Variants in FOCAD observed in about 807,000 individuals in gnomAD.
FOCAD encodes KIAA1797.
Under a neutral mutation model 225.6 loss-of-function variants are expected in FOCAD, and 198 were observed. The ratio of observed to expected loss-of-function variants is 0.88; its 90% CI spans 0.78 to 0.99. The LOEUF (loss-of-function observed/expected upper bound fraction) is 0.99. Among genes scored for constraint, FOCAD ranks in the 50% least tolerant of loss-of-function variants. The pLI, the probability that FOCAD is intolerant of heterozygous loss-of-function variation, is 0.00. For missense variants in FOCAD, 2,713 were observed against 2,123.6 expected (o/e 1.28, Z -5.46); for synonymous variants, 897 against 755.0 (o/e 1.19, Z -3.08).
chr9:20,749,124 A>G (rs1337614586), intron 5 of FOCAD, among the ~76,000 whole-genome samples: 1 of 152,124 alleles, frequency 6.6e-6, no homozygotes, highest in African/African-American at 2.4e-5. Context: ...TTGTACTTAA[A>G]ATAGTTCCAG....
intron 5 of FOCAD, among the ~76,000 whole-genome samples, chr9:20,753,239 G>A (rs1295009173): frequency 6.6e-6 from 1 of 151,044 alleles, no homozygotes; most frequent in East Asian, 1.9e-4. Context: ...TCTTGTGCCA[G>A]TTTTCAAAGG....
intron 37 of FOCAD, among the ~76,000 whole-genome samples, chr9:20,978,816 T>C (rs1278240473): frequency 1.3e-5 from 2 of 152,214 alleles, no homozygotes; most frequent in Admixed American, 1.3e-4. Context: ...AGAAAGGAAA[T>C]CCATATGTAC....
chr9:20,995,587 G>GT lies in FOCAD; in HGVS notation c.5367dup (p.Lys1790Ter). On this transcript the variant is annotated frameshift_variant, in exon 44 of 44. Transcript: ENST00000338382. LOFTEE classifies it high-confidence loss of function. ...TGCTGTCCTTGAGAGTTCTCCCAGA[G>GT]TTTAAGAAGAAAGCTGTATGGACCA... 6.2e-7 allele frequency: 1 copy of GT among 1,612,946 alleles called. No homozygotes were observed. Among genetic ancestry groups the GT allele is most frequent in the Non-Finnish European group, 8.5e-7 (1 of 1,179,020 alleles).
At position 20,981,637 on chromosome 9, in the gene FOCAD, T is replaced by C. The variant is rs1430055425; in HGVS notation, c.4589T>C (p.Leu1530Pro). The C allele has an allele frequency of 6.2e-7, 1 of 1,613,118 alleles. No homozygotes were observed. The highest frequency in any genetic ancestry group is 1.3e-5 in the African/African-American group (1 of 74,878). ...CCTGCCCACCACCTCTGGAGTCTGCTCTCTGAAGCTACTGGGAAAATTTTT... is the reference window on the plus strand; with the variant it reads ...CCTGCCCACCACCTCTGGAGTCTGCCCTCTGAAGCTACTGGGAAAATTTTT... ...PSPAHHLWSL[L>P]SEATGKIFDL... The change falls in exon 38 of 44, where the codon CTC (leucine) becomes CCC (proline). Residue 1530 changes from leucine to proline, a missense_variant. Physicochemically the swap from Leu to Pro is moderately conservative, Grantham distance 98 (BLOSUM62 -3). Transcript: ENST00000338382.
At chr9:20,769,384 T>C (rs1817949754) in intron 7 of FOCAD, among the ~76,000 whole-genome samples, 1 of 152,246 alleles carries the variant, frequency 6.6e-6, no homozygotes, top group Non-Finnish European at 1.5e-5. Context: ...CCAATGTGTC[T>C]GTGAGCAGGA....
At position 20,846,642 on chromosome 9, in the gene FOCAD, TTAAAC is replaced by T. The variant is rs780877473; in HGVS notation, c.1921-15934_1921-15930del. 1.1e-4 allele frequency among the ~76,000 whole-genome samples: 16 copies of T among 152,274 alleles called. 1 individual carries two copies. The East Asian group carries it at 2.3e-3, about 22-fold the overall frequency. Reference sequence around the variant, plus strand: ...TGAGCACCCTATGTAGCAAGGCTTGTTAAACTCTGGAAATGGTGTTGATTAATGTA... The same window carrying T: ...TGAGCACCCTATGTAGCAAGGCTTGTTCTGGAAATGGTGTTGATTAATGTA... On this transcript the variant is annotated intron_variant, in intron 15 of 43. Coordinates refer to ENST00000338382, the MANE Select transcript of FOCAD (RefSeq NM_001375567.1).
intron 3 of FOCAD, among the ~76,000 whole-genome samples, chr9:20,718,874 T>C (rs947970802): frequency 1.3e-5 from 2 of 152,192 alleles, no homozygotes; most frequent in African/African-American, 2.4e-5. Flanking sequence ...TTTTCCGGTG[T>C]AATAATAGAG....
chr9:20,902,933 A>G (rs939245000), intron 21 of FOCAD, among the ~76,000 whole-genome samples: 2 of 151,936 alleles, frequency 1.3e-5, no homozygotes, highest in African/African-American at 4.8e-5. Flanking sequence ...TGAGAAGTAC[A>G]TGTTCTAAAA....
chr9:20,744,831 A>G (rs978098342), intron 5 of FOCAD, among the ~76,000 whole-genome samples: 6 of 152,298 alleles, frequency 3.9e-5, no homozygotes, highest in African/African-American at 1.4e-4. Context: ...AATGCTGACA[A>G]CCAATTCAAA....
At position 20,866,917 on chromosome 9, in the gene FOCAD, T is replaced by TTAAAAAAA; in HGVS notation, c.2107-12_2107-11insTAAAAAAA. ...TTTTTTTTTTTTTTTTTTTTTTTTT[T>TTAAAAAAA]ACCCTATCTAGGACCCAATTGTAGC... On this transcript the variant is annotated splice_polypyrimidine_tract_variant and intron_variant, in intron 17 of 43. Transcript: ENST00000338382. 2.6e-6 allele frequency: 2 copies of TTAAAAAAA among 764,970 alleles called. No homozygotes were observed. The highest frequency in any genetic ancestry group is 1.8e-5 in the South Asian group (1 of 54,450). 47.4% of individuals were successfully genotyped at this position (764,970 alleles called of 1,614,324 possible). A position where few individuals can be genotyped will look rare whatever the true frequency, so the allele number is the denominator to read the frequency against.
chr9:20,748,021 T>C (rs181645309), intron 5 of FOCAD, among the ~76,000 whole-genome samples: 53 of 152,118 alleles, frequency 3.5e-4, no homozygotes, highest in Middle Eastern at 3.4e-3. Flanking sequence ...TATTATCTTA[T>C]GGTTTTATTG....
At chr9:20,854,630 T>C (rs1346016255) in intron 15 of FOCAD, among the ~76,000 whole-genome samples, 1 of 151,770 alleles carries the variant, frequency 6.6e-6, no homozygotes, top group East Asian at 1.9e-4. Flanking sequence ...ATTGGTAAGA[T>C]TCTTGCGGAA....
At chr9:20,685,823 C>T (rs1822631825) in intron 1 of FOCAD, among the ~76,000 whole-genome samples, 1 of 152,080 alleles carries the variant, frequency 6.6e-6, no homozygotes, top group African/African-American at 2.4e-5. Context: ...TTGTTGTCTC[C>T]AGTTGACGCC....
chr9:20,697,300 T>G lies in FOCAD; in HGVS notation c.-33+13007T>G, dbSNP rs182705619. Among the ~76,000 whole-genome samples the G allele has an allele frequency of 2.8e-4, 42 of 152,366 alleles. 1 individual carries two copies. The highest frequency in any genetic ancestry group is 9.4e-4 in the African/African-American group (39 of 41,592). Reference sequence around the variant, plus strand: ...TATCCTTGCCCTCTTATGGTCTCTATTCTTCCTAGAAGCCACAATGATCTT... The same window carrying G: ...TATCCTTGCCCTCTTATGGTCTCTAGTCTTCCTAGAAGCCACAATGATCTT... On this transcript the variant is annotated intron_variant, in intron 1 of 43. Transcript: ENST00000338382.
intron 1 of FOCAD, among the ~76,000 whole-genome samples, chr9:20,689,968 T>C (rs1466463540): frequency 6.6e-6 from 1 of 152,236 alleles, no homozygotes; most frequent in Non-Finnish European, 1.5e-5. Flanking sequence ...TACCTTTTCC[T>C]GGTCTTTGAA....
rs145008213 is a variant in FOCAD, at chr9:20,736,821, T to G, written c.288-3415T>G. 2.8e-3 allele frequency among the ~76,000 whole-genome samples: 424 copies of G among 152,268 alleles called. 1 individual carries two copies. The highest frequency in any genetic ancestry group is 9.8e-3 in the African/African-American group (407 of 41,562). On this transcript the variant is annotated intron_variant, in intron 4 of 43. Transcript: ENST00000338382. The stretch of plus-strand genomic sequence containing the variant: ...TTGAGACCCCTAGGCATTAAGTGAC[T>G]TGCCTAAGATTCCCTAGTTAATTCA...
chr9:20,816,007 A>G (rs916499979), intron 11 of FOCAD, among the ~76,000 whole-genome samples: 1 of 152,142 alleles, frequency 6.6e-6, no homozygotes, highest in African/African-American at 2.4e-5. Context: ...AATTTGGGCT[A>G]TTATGCCTTG....
In FOCAD at chr9:20,695,778, A is replaced by T. The variant is rs552004681; in HGVS notation, c.-33+11485A>T. ...AGAGGGCTACTGAGGCCTTACAGGG[A>T]TTGGAAATTGGATAGGACCTGGGCA... On this transcript the variant is annotated intron_variant, in intron 1 of 43. Coordinates refer to ENST00000338382, the MANE Select transcript of FOCAD (RefSeq NM_001375567.1). 3.3e-5 allele frequency among the ~76,000 whole-genome samples: 5 copies of T among 152,298 alleles called. 1 individual carries two copies. In the South Asian group the frequency reaches 1.0e-3, roughly 32 times the overall value.
chr9:20,900,902 A>G (rs1027605825), intron 21 of FOCAD, among the ~76,000 whole-genome samples: 2 of 151,840 alleles, frequency 1.3e-5, no homozygotes, highest in African/African-American at 4.8e-5. Flanking sequence ...GGAGAGAAGG[A>G]GGGAAAGAGG....
Sources: allele counts gnomAD v4.1 joint callset (sites outside exome capture counted in the v4.1 genomes callset), GRCh38; gene constraint gnomAD v4.1.1; transcripts MANE v1.5; gene names NCBI Gene and HGNC (gene_info 2026-07-23, HGNC 2026-07-21).